Variants in RIN2 observed in about 807,000 individuals in gnomAD.
RIN2 encodes the protein RAB5 interacting protein 2.
A neutral mutation model predicts 78.0 loss-of-function variants in RIN2; 36 were observed. That is an observed-to-expected ratio of 0.46 (90% CI 0.35 to 0.61). The LOEUF (loss-of-function observed/expected upper bound fraction) is 0.61. Among genes scored for constraint, RIN2 ranks in the 20% least tolerant of loss-of-function variants. The pLI is 0.00. For missense variants in RIN2, 1,087 were observed against 1,159.7 expected (o/e 0.94, Z 0.91); for synonymous variants, 466 against 466.8 (o/e 1.00, Z 0.02).
At chr20:19,850,011 T>G (rs1014610649) in intron 2 of RIN2, among the ~76,000 whole-genome samples, 14 of 152,188 alleles carry the variant, frequency 9.2e-5, no homozygotes, top group Non-Finnish European at 1.8e-4. Flanking sequence ...TACAAGTGAC[T>G]GTTCTCATTA....
chr20:19,880,850 ATCTTT>A (rs1211345399), intron 2 of RIN2, among the ~76,000 whole-genome samples: 2 of 152,196 alleles, frequency 1.3e-5, no homozygotes, highest in African/African-American at 4.8e-5. Context: ...ATAAAGGAAG[ATCTTT>A]TCTTCTTCTC....
At chr20:19,957,048 C>T (rs1348010903) in intron 5 of RIN2, among the ~76,000 whole-genome samples, 1 of 152,200 alleles carries the variant, frequency 6.6e-6, no homozygotes, top group Non-Finnish European at 1.5e-5. Context: ...CAGCAGAGAA[C>T]TGAGCATCTG....
intron 3 of RIN2, among the ~76,000 whole-genome samples, chr20:19,924,492 C>CCT (rs1275609779): frequency 1.0e-4 from 10 of 100,146 alleles, no homozygotes; most frequent in African/African-American, 2.4e-4. Context: ...TCATACCCCA[C>CCT]CTTCATACCC....
intron 1 of RIN2, among the ~76,000 whole-genome samples, chr20:19,760,700 G>T (rs2122277244): frequency 6.6e-6 from 1 of 152,218 alleles, no homozygotes; most frequent in Middle Eastern, 3.4e-3. Context: ...CCCATTAATG[G>T]GAGGCCCATT....
At chr20:19,869,401 C>A (rs559621550) in intron 2 of RIN2, among the ~76,000 whole-genome samples, 4 of 152,074 alleles carry the variant, frequency 2.6e-5, no homozygotes, top group Non-Finnish European at 5.9e-5. Flanking sequence ...GGTGGGGAGA[C>A]GAAGCCACGT....
At chr20:19,988,268 G>A (rs1051215522) in intron 9 of RIN2, among the ~76,000 whole-genome samples, 3 of 152,068 alleles carry the variant, frequency 2.0e-5, no homozygotes, top group Admixed American at 6.6e-5. Flanking sequence ...ACAGGTGTGC[G>A]CCACAACGCC....
intron 4 of RIN2, among the ~76,000 whole-genome samples, chr20:19,945,824 T>C (rs2041067225): frequency 6.6e-6 from 1 of 152,126 alleles, no homozygotes; most frequent in Non-Finnish European, 1.5e-5. Context: ...GAAGGATTTG[T>C]TTTTCTGGAA....
chr20:19,849,151 C>T (rs2036878022), intron 2 of RIN2, among the ~76,000 whole-genome samples: 1 of 151,970 alleles, frequency 6.6e-6, no homozygotes, highest in Admixed American at 6.6e-5. Context: ...TAGACTTAAA[C>T]CACCAGATTT....
At chr20:19,799,996 C>T (rs1048210624) in intron 2 of RIN2, among the ~76,000 whole-genome samples, 1 of 152,130 alleles carries the variant, frequency 6.6e-6, no homozygotes, top group Non-Finnish European at 1.5e-5. Context: ...TAAAGGGAAA[C>T]CATTCACATT....
At chr20:19,974,551 C>T in intron 8 of RIN2, 103 bp from the exon 9 acceptor site, 1 of 1,187,502 alleles carries the variant, frequency 8.4e-7, no homozygotes, top group Non-Finnish European at 1.2e-6. Context: ...TACCCCACCC[C>T]GCAAGACTCG....
At chr20:19,891,265 G>A (rs1017422590) in intron 3 of RIN2, among the ~76,000 whole-genome samples, 21 of 152,178 alleles carry the variant, frequency 1.4e-4, no homozygotes, top group African/African-American at 5.1e-4. Context: ...AGAGTAAGGA[G>A]CTCCTCAAGT....
At chr20:19,798,619 T>A (rs1360036690) in intron 1 of RIN2, among the ~76,000 whole-genome samples, 2 of 152,004 alleles carry the variant, frequency 1.3e-5, no homozygotes, top group East Asian at 3.9e-4. Context: ...GAAACACATA[T>A]ACGTGTGTGT....
intron 2 of RIN2, among the ~76,000 whole-genome samples, chr20:19,810,398 A>C (rs2035551185): frequency 6.6e-6 from 1 of 151,916 alleles, no homozygotes; most frequent in African/African-American, 2.4e-5. Context: ...ACAGAGTGAG[A>C]CTCTGTCTCA....
chr20:19,812,948 C>G (rs1351024994), intron 2 of RIN2, among the ~76,000 whole-genome samples: 1 of 152,190 alleles, frequency 6.6e-6, no homozygotes, highest in East Asian at 1.9e-4. Context: ...TCAGCATTGT[C>G]CCTTTGGGTC....
intron 3 of RIN2, among the ~76,000 whole-genome samples, chr20:19,919,960 A>G (rs1370927203): frequency 1.3e-5 from 2 of 152,146 alleles, no homozygotes; most frequent in Non-Finnish European, 2.9e-5. Context: ...TGCTAAAACT[A>G]ACTGGGGCTG....
chr20:19,910,848 G>A lies in RIN2; in HGVS notation c.57+21190G>A, dbSNP rs147245384. Among the ~76,000 whole-genome samples, 895 of 151,904 alleles carry A rather than the reference G, an allele frequency of 5.9e-3. 9 individuals carry two copies. The highest frequency in any genetic ancestry group is 0.018 in the African/African-American group (728 of 41,402). On this transcript the variant is annotated intron_variant, in intron 3 of 12. Transcript: ENST00000255006. Reference sequence around the variant, plus strand: ...CTCCCAAAGTGCTGGGATTACAGGCGTGAGCCACACCGCACCCAGCCAGGA... The same window carrying A: ...CTCCCAAAGTGCTGGGATTACAGGCATGAGCCACACCGCACCCAGCCAGGA...
intron 3 of RIN2, among the ~76,000 whole-genome samples, chr20:19,931,748 G>T (rs2040450699): frequency 2.9e-5 from 4 of 136,832 alleles, no homozygotes; most frequent in Admixed American, 7.3e-5. Context: ...AAAGCCTTTT[G>T]GGCTTTTATG....
intron 1 of RIN2, among the ~76,000 whole-genome samples, chr20:19,764,618 CT>C (rs1454905003): frequency 6.6e-6 from 1 of 152,178 alleles, no homozygotes; most frequent in Non-Finnish European, 1.5e-5. Flanking sequence ...AATGTTTGTG[CT>C]TTTTCTTAAA....
intron 1 of RIN2, among the ~76,000 whole-genome samples, chr20:19,786,521 T>C (rs1327223922): frequency 6.6e-6 from 1 of 152,180 alleles, no homozygotes; most frequent in Admixed American, 6.5e-5. Flanking sequence ...CCAGTTACCA[T>C]CTGGCTGCAA....
Sources: allele counts gnomAD v4.1 joint callset (sites outside exome capture counted in the v4.1 genomes callset), GRCh38; gene constraint gnomAD v4.1.1; transcripts MANE v1.5; gene names NCBI Gene and HGNC (gene_info 2026-07-23, HGNC 2026-07-21).